IL1RAPL2: variants seen among roughly 807,000 people sequenced by gnomAD.
IL1RAPL2 encodes X-linked interleukin-1 receptor accessory protein-like 2.
Under a neutral mutation model 44.1 loss-of-function variants are expected in IL1RAPL2, and 3 were observed. That is an observed-to-expected ratio of 0.07 (90% CI 0.03 to 0.18). The LOEUF is 0.18. Among genes scored for constraint, IL1RAPL2 ranks in the 10% least tolerant of loss-of-function variants. The pLI is 1.00. For synonymous variants in IL1RAPL2, 181 were observed against 178.8 expected, an observed-to-expected ratio of 1.01 and a Z score of -0.10; for missense variants, 391 against 496.4, an observed-to-expected ratio of 0.79 and a Z score of 2.02.
intron 2 of IL1RAPL2, among the ~76,000 whole-genome samples, chrX:104,790,497 G>A (rs1932820039): frequency 9.0e-6 from 1 of 111,456 alleles, no homozygotes; most frequent in Non-Finnish European, 1.9e-5. Flanking sequence ...AGTGGGTTCT[G>A]CCATTTTCTC....
intron 2 of IL1RAPL2, among the ~76,000 whole-genome samples, chrX:104,825,222 G>A (rs1003167921): frequency 7.2e-5 from 8 of 111,734 alleles, no homozygotes; most frequent in Non-Finnish European, 1.1e-4. Flanking sequence ...TCTGGTGTTG[G>A]TGGGCAAAGC....
intron 2 of IL1RAPL2, among the ~76,000 whole-genome samples, chrX:105,122,851 T>C (rs1415401937): frequency 9.0e-6 from 1 of 110,959 alleles, no homozygotes; most frequent in East Asian, 2.8e-4. Flanking sequence ...CATTACAGTG[T>C]GGGGGTTGTG....
intron 2 of IL1RAPL2, among the ~76,000 whole-genome samples, chrX:105,143,891 A>C (rs1238942214): frequency 1.8e-5 from 2 of 110,572 alleles, no homozygotes; most frequent in African/African-American, 6.6e-5. Context: ...CTAATGTTAA[A>C]CGACGAGTTA....
In IL1RAPL2 at chrX:104,825,535, A is replaced by G. The variant is rs763380625; in HGVS notation, c.82+166540A>G. ...TAAGGCTACAAAACAATAACACAAC[A>G]TGAATTTCTCCAAGTGCTCTGGAAT... On this transcript the variant is annotated intron_variant, in intron 2 of 10. Coordinates refer to ENST00000372582, the MANE Select transcript of IL1RAPL2 (RefSeq NM_017416.2). 3.6e-5 allele frequency among the ~76,000 whole-genome samples: 4 copies of G among 111,918 alleles called. No individual in the cohort carries two copies. The East Asian group carries it at 1.1e-3, about 32-fold the overall frequency.
At chrX:105,640,263 GC>G (rs1043806689) in intron 6 of IL1RAPL2, among the ~76,000 whole-genome samples, 10 of 109,506 alleles carry the variant, frequency 9.1e-5, no homozygotes, top group Non-Finnish European at 1.5e-4. Context: ...AAAGTTAGTG[GC>G]CTGGCTTCTC....
chrX:105,120,005 A>G (rs747505868), intron 2 of IL1RAPL2, among the ~76,000 whole-genome samples: 1 of 109,601 alleles, frequency 9.1e-6, no homozygotes, highest in African/African-American at 3.3e-5. Context: ...TACTGATGGG[A>G]AAATTTAGGC....
At chrX:105,123,001 A>G (rs756632705) in intron 2 of IL1RAPL2, among the ~76,000 whole-genome samples, 32 of 111,786 alleles carry the variant, frequency 2.9e-4, no homozygotes, top group Non-Finnish European at 4.3e-4. Flanking sequence ...ACCCAAGAGC[A>G]TCCTGATGAG....
chrX:105,069,446 A>G (rs910966526), intron 2 of IL1RAPL2, among the ~76,000 whole-genome samples: 1 of 112,622 alleles, frequency 8.9e-6, no homozygotes, highest in Non-Finnish European at 1.9e-5. Context: ...TAAATGAAAC[A>G]AGCAAGTTTT....
intron 6 of IL1RAPL2, among the ~76,000 whole-genome samples, chrX:105,576,405 G>C (rs1361600805): frequency 9.0e-6 from 1 of 111,303 alleles, no homozygotes; most frequent in East Asian, 2.8e-4. Context: ...ATCATTTATT[G>C]TATAGGGAGT....
At chrX:104,680,037 C>G (rs981121919) in intron 2 of IL1RAPL2, among the ~76,000 whole-genome samples, 4 of 111,568 alleles carry the variant, frequency 3.6e-5, no homozygotes, top group African/African-American at 1.3e-4. Context: ...CTCACAAAAT[C>G]TTAATGTGTT....
At chrX:104,714,157 A>G (rs182486311) in intron 2 of IL1RAPL2, among the ~76,000 whole-genome samples, 31 of 110,833 alleles carry the variant, frequency 2.8e-4, no homozygotes, top group African/African-American at 9.5e-4. Flanking sequence ...TACTATGTTG[A>G]ATACGAGTGG....
At chrX:105,484,239 A>G in intron 5 of IL1RAPL2, 74 bp from the exon 6 acceptor site, 1 of 765,033 alleles carries the variant, frequency 1.3e-6, no homozygotes, top group Non-Finnish European at 2.0e-6. Flanking sequence ...ATTAAATATC[A>G]TACATGATAG....
At chrX:104,968,979 CTG>C (rs35842489) in intron 2 of IL1RAPL2, among the ~76,000 whole-genome samples, 12,555 of 81,783 alleles carry the variant, frequency 0.15, 930 homozygotes, top group Non-Finnish European at 0.21. Flanking sequence ...TTGCCTTTTG[CTG>C]TGTGTGTGTG....
intron 4 of IL1RAPL2, among the ~76,000 whole-genome samples, chrX:105,254,362 T>C (rs1013617664): frequency 3.6e-5 from 4 of 112,247 alleles, no homozygotes; most frequent in Non-Finnish European, 7.5e-5. Flanking sequence ...TTTTGAAAAG[T>C]GTATGTTCAT....
intron 10 of IL1RAPL2, among the ~76,000 whole-genome samples, chrX:105,764,405 A>AAAG (rs1343592833): frequency 2.0e-4 from 22 of 112,332 alleles, no homozygotes; most frequent in African/African-American, 7.1e-4. Flanking sequence ...TAGCAAAGCC[A>AAAG]AAGCCCATGA....
At chrX:105,074,323 G>T (rs761494831) in intron 2 of IL1RAPL2, among the ~76,000 whole-genome samples, 1 of 111,215 alleles carries the variant, frequency 9.0e-6, no homozygotes, top group Non-Finnish European at 1.9e-5. Flanking sequence ...TCTTGTTTTT[G>T]TCAGGTTTGT....
intron 2 of IL1RAPL2, among the ~76,000 whole-genome samples, chrX:104,863,589 G>A (rs754238266): frequency 8.9e-6 from 1 of 112,039 alleles, no homozygotes; most frequent in African/African-American, 3.2e-5. Flanking sequence ...CGGTGGCCAA[G>A]TGTTCTGTGA....
chrX:104,907,281 G>T (rs918454518), intron 2 of IL1RAPL2, among the ~76,000 whole-genome samples: 30 of 111,511 alleles, frequency 2.7e-4, no homozygotes, highest in Middle Eastern at 4.6e-3. Context: ...TTTTTGAAGG[G>T]TTTTTTGTGT....
chrX:104,809,865 A>G (rs1429664867), intron 2 of IL1RAPL2, among the ~76,000 whole-genome samples: 4 of 111,337 alleles, frequency 3.6e-5, no homozygotes, highest in Non-Finnish European at 7.5e-5. Flanking sequence ...GCGATTCCTC[A>G]GGGATCTAGA....
Sources: gnomAD v4.1 joint callset for allele counts (sites outside exome capture counted in the v4.1 genomes callset) on GRCh38, gnomAD v4.1.1 for gene constraint, MANE v1.5 for transcripts, NCBI Gene and HGNC (gene_info 2026-07-23, HGNC 2026-07-21) for gene names.